The following TACR3 variants were observed in gnomAD, a reference collection of about 807,000 sequenced individuals.
TACR3 encodes tachykinin receptor 3, also known as neuromedin-K receptor.
In TACR3, 34 loss-of-function variants were observed where a neutral mutation model predicts 35.0. The observed-to-expected ratio is 0.97, with a 90% confidence interval of 0.74 to 1.30. The LOEUF (loss-of-function observed/expected upper bound fraction) is 1.30, where lower values mean the gene tolerates loss of function less well. TACR3 is among the 50% of genes most tolerant of loss of function. The pLI is 0.00. For synonymous variants in TACR3, 233 were observed against 221.1 expected, an observed-to-expected ratio of 1.05 and a Z score of -0.48; for missense variants, 558 against 591.7, an observed-to-expected ratio of 0.94 and a Z score of 0.59.
chr4:103,678,806 T>A (rs77436393), intron 1 of TACR3, among the ~76,000 whole-genome samples: 1 of 146,720 alleles, frequency 6.8e-6, no homozygotes, highest in Non-Finnish European at 1.5e-5. Flanking sequence ...TTTTTTTTTT[T>A]AACAGCTGCT....
intron 3 of TACR3, among the ~76,000 whole-genome samples, chr4:103,647,923 C>G (rs940645249): frequency 1.3e-5 from 2 of 151,848 alleles, no homozygotes; most frequent in East Asian, 3.9e-4. Flanking sequence ...TTTAAATATG[C>G]TAGGTTCTAT....
intron 1 of TACR3, among the ~76,000 whole-genome samples, chr4:103,710,939 C>G (rs1359259696): frequency 6.6e-6 from 1 of 152,048 alleles, no homozygotes; most frequent in Non-Finnish European, 1.5e-5. Context: ...AAGACTAAAC[C>G]AGGAAGAAGC....
intron 3 of TACR3, among the ~76,000 whole-genome samples, chr4:103,606,907 A>G (rs554459532): frequency 1.1e-4 from 16 of 152,292 alleles, no homozygotes; most frequent in Non-Finnish European, 1.5e-4. Flanking sequence ...GCCAGTTTTC[A>G]AAGGGAATGC....
intron 3 of TACR3, among the ~76,000 whole-genome samples, chr4:103,598,892 C>A (rs551865203): frequency 1.3e-5 from 2 of 152,128 alleles, no homozygotes; most frequent in Non-Finnish European, 2.9e-5. Flanking sequence ...TAGCATGATG[C>A]CTCCAGCTTT....
At chr4:103,605,828 AT>A (rs1371597245) in intron 3 of TACR3, among the ~76,000 whole-genome samples, 1 of 151,854 alleles carries the variant, frequency 6.6e-6, no homozygotes. Flanking sequence ...CTTTAGTTTA[AT>A]TAGATCCCAT....
At chr4:103,639,399 C>G (rs890944621) in intron 3 of TACR3, among the ~76,000 whole-genome samples, 5 of 151,788 alleles carry the variant, frequency 3.3e-5, no homozygotes, top group African/African-American at 9.7e-5. Flanking sequence ...AATGAGAACA[C>G]ATGGACACAG....
chr4:103,705,968 A>G (rs574294898), intron 1 of TACR3, among the ~76,000 whole-genome samples: 1 of 152,184 alleles, frequency 6.6e-6, no homozygotes, highest in South Asian at 2.1e-4. Context: ...TGAAAACATA[A>G]TTCTGTGTTG....
intron 3 of TACR3, among the ~76,000 whole-genome samples, chr4:103,634,642 A>C (rs1367127461): frequency 6.6e-6 from 1 of 152,100 alleles, no homozygotes; most frequent in Non-Finnish European, 1.5e-5. Context: ...GGATTTTCCT[A>C]AAGTGAATTT....
At chr4:103,682,570 C>T (rs1052235570) in intron 1 of TACR3, among the ~76,000 whole-genome samples, 1 of 152,188 alleles carries the variant, frequency 6.6e-6, no homozygotes, top group African/African-American at 2.4e-5. Context: ...CCTCCCTCGA[C>T]ACATAGGGAT....
chr4:103,719,946 G>A lies in TACR3; in HGVS notation c.-271C>T, dbSNP rs3733631. 1.8e-6 allele frequency: 1 copy of A among 555,982 alleles called. No individual in the cohort carries two copies. Among genetic ancestry groups the A allele is most frequent in the Admixed American group, 3.1e-5 (1 of 32,498 alleles). The allele number at this position is 555,982 out of a possible 1,614,324, so 34.4% of individuals were successfully genotyped here. A position where few individuals can be genotyped will look rare whatever the true frequency, so the allele number is the denominator to read the frequency against. On this transcript the variant is annotated 5_prime_UTR_variant, in exon 1 of 5. The change creates a new upstream start codon in the 5' untranslated region. Coordinates refer to ENST00000304883, the MANE Select transcript of TACR3 (RefSeq NM_001059.3). Reference sequence around the variant, plus strand: ...TAAGGGTTATCGAGTCACATCACACGTAGGGAGGGTGCCAGCTGCCCGGCA... The same window carrying A: ...TAAGGGTTATCGAGTCACATCACACATAGGGAGGGTGCCAGCTGCCCGGCA...
intron 1 of TACR3, among the ~76,000 whole-genome samples, chr4:103,700,489 G>A (rs1402885879): frequency 6.6e-6 from 1 of 152,120 alleles, no homozygotes; most frequent in Admixed American, 6.6e-5. Context: ...GTGTGACATA[G>A]CACAAGAAAC....
At chr4:103,604,802 G>A (rs768287458) in intron 3 of TACR3, among the ~76,000 whole-genome samples, 2 of 147,868 alleles carry the variant, frequency 1.4e-5, no homozygotes, top group Non-Finnish European at 2.9e-5. Flanking sequence ...ATCATCACTG[G>A]TCATTAGAGA....
chr4:103,611,409 T>A (rs770051877), intron 3 of TACR3, among the ~76,000 whole-genome samples: 14 of 152,166 alleles, frequency 9.2e-5, no homozygotes, highest in Non-Finnish European at 1.8e-4. Context: ...ATTTCTTAAT[T>A]TCTTTTTTAG....
chr4:103,627,130 C>A (rs566555003), intron 3 of TACR3, among the ~76,000 whole-genome samples: 1 of 134,064 alleles, frequency 7.5e-6, no homozygotes, highest in African/African-American at 2.9e-5. Context: ...TGCCGTGAGC[C>A]GAGATCATGC....
chr4:103,600,826 AGTTT>A (rs1724180568), intron 3 of TACR3, among the ~76,000 whole-genome samples: 2 of 152,238 alleles, frequency 1.3e-5, no homozygotes, highest in Admixed American at 1.3e-4. Context: ...TCTGAGAGAC[AGTTT>A]GTTATAATTT....
intron 1 of TACR3, among the ~76,000 whole-genome samples, chr4:103,708,712 T>A (rs1380694607): frequency 6.6e-6 from 1 of 152,150 alleles, no homozygotes; most frequent in African/African-American, 2.4e-5. Context: ...TTCTCTGAGC[T>A]AAAGGAGGAA....
intron 3 of TACR3, among the ~76,000 whole-genome samples, chr4:103,607,084 G>C (rs181450804): frequency 6.6e-6 from 1 of 152,024 alleles, no homozygotes; most frequent in Admixed American, 6.6e-5. Context: ...TTCAATATAC[G>C]CAAATCAATA....
At chr4:103,597,939 A>G (rs146116993) in intron 3 of TACR3, among the ~76,000 whole-genome samples, 2,590 of 152,304 alleles carry the variant, frequency 0.017, 90 homozygotes, top group African/African-American at 0.06. Flanking sequence ...TTATAACAGC[A>G]TGATTTATAA....
chr4:103,629,309 GAAAT>G (rs575192057), intron 3 of TACR3, among the ~76,000 whole-genome samples: 131 of 152,174 alleles, frequency 8.6e-4, no homozygotes, highest in African/African-American at 3.1e-3. Flanking sequence ...GCAGGAGAAA[GAAAT>G]AAAGGGTATT....
Sources: gnomAD v4.1 joint callset for allele counts (sites outside exome capture counted in the v4.1 genomes callset) on GRCh38, gnomAD v4.1.1 for gene constraint, MANE v1.5 for transcripts, NCBI Gene and HGNC (gene_info 2026-07-23, HGNC 2026-07-21) for gene names.